Variants in PRELID2 observed in about 807,000 individuals in gnomAD.
PRELID2 encodes the protein PRELI domain containing 2.
A neutral mutation model predicts 28.4 loss-of-function variants in PRELID2; 25 were observed. The observed-to-expected ratio is 0.88, with a 90% CI of 0.64 to 1.23. The LOEUF (loss-of-function observed/expected upper bound fraction) is 1.23, where lower values mean the gene tolerates loss of function less well. Among genes scored for constraint, PRELID2 ranks in the 50% most tolerant of loss-of-function variants. The pLI, the probability that PRELID2 is intolerant of heterozygous loss-of-function variation, is 0.00. For missense variants in PRELID2, 201 were observed against 214.4 expected (o/e 0.94, Z 0.39); for synonymous variants, 76 against 71.6 (o/e 1.06, Z -0.31).
chr5:145,462,745 T>G, the PRELID2 span, among the ~76,000 whole-genome samples: 1 of 152,346 alleles, frequency 6.6e-6, no homozygotes, highest in East Asian at 1.9e-4. Flanking sequence ...GAGTTGGCTG[T>G]GCCCACTGTC....
the PRELID2 span, among the ~76,000 whole-genome samples, chr5:145,338,719 A>G: frequency 5.3e-5 from 8 of 152,266 alleles, no homozygotes; most frequent in African/African-American, 1.7e-4. Flanking sequence ...ATGCTATTTG[A>G]TTTTCAATCA....
chr5:145,411,833 G>A, the PRELID2 span, among the ~76,000 whole-genome samples: 1 of 152,198 alleles, frequency 6.6e-6, no homozygotes, highest in Non-Finnish European at 1.5e-5. Context: ...CTGAAATCTA[G>A]GTGGAGGTTC....
intron 1 of PRELID2, among the ~76,000 whole-genome samples, chr5:145,664,585 G>T (rs188186476): frequency 2.0e-5 from 3 of 151,970 alleles, no homozygotes; most frequent in African/African-American, 4.8e-5. Flanking sequence ...TAAAGCTCCC[G>T]CTTTTTTAAT....
chr5:145,752,234 G>C (rs182930630), downstream of PRELID2, among the ~76,000 whole-genome samples: 3 of 152,270 alleles, frequency 2.0e-5, no homozygotes, highest in Admixed American at 6.5e-5. Flanking sequence ...ATTTTTCCAA[G>C]AAGAAATGGT....
chr5:145,632,911 G>A (rs1180590888), intron 1 of PRELID2, among the ~76,000 whole-genome samples: 1 of 152,178 alleles, frequency 6.6e-6, no homozygotes, highest in Non-Finnish European at 1.5e-5. Context: ...GAATTAAAGT[G>A]AGACAGAAAT....
At chr5:145,521,892 G>A (rs1389614150) in intron 1 of PRELID2, among the ~76,000 whole-genome samples, 4 of 152,138 alleles carry the variant, frequency 2.6e-5, no homozygotes, top group African/African-American at 4.8e-5. Context: ...GTTCCAACTT[G>A]TATTTGACCA....
the PRELID2 span, among the ~76,000 whole-genome samples, chr5:145,286,989 C>G: frequency 6.6e-6 from 1 of 151,996 alleles, no homozygotes; most frequent in African/African-American, 2.4e-5. Flanking sequence ...GGATTACAGG[C>G]GTGAGCCACC....
intron 1 of PRELID2, among the ~76,000 whole-genome samples, chr5:145,476,782 G>A (rs1580951309): frequency 6.6e-6 from 1 of 152,026 alleles, no homozygotes; most frequent in East Asian, 1.9e-4. Flanking sequence ...TCCTTTTTAT[G>A]TGGTGTTGGG....
intron 1 of PRELID2, among the ~76,000 whole-genome samples, chr5:145,514,194 G>A (rs745623615): frequency 6.7e-4 from 102 of 151,990 alleles, no homozygotes; most frequent in Admixed American, 7.9e-4. Context: ...GAAAGACACA[G>A]ACTGGCAAAT....
chr5:145,444,793 C>G, the PRELID2 span, among the ~76,000 whole-genome samples: 1 of 151,950 alleles, frequency 6.6e-6, no homozygotes, highest in Non-Finnish European at 1.5e-5. Context: ...TATTAAGTGC[C>G]TATAATATGC....
At chr5:145,718,770 A>T (rs1226211533) in intron 1 of PRELID2, among the ~76,000 whole-genome samples, 1 of 151,960 alleles carries the variant, frequency 6.6e-6, no homozygotes, top group Non-Finnish European at 1.5e-5. Flanking sequence ...AAAAGATTTG[A>T]TTGTTTAAGA....
intron 2 of PRELID2, among the ~76,000 whole-genome samples, chr5:145,821,637 C>T (rs951395066): frequency 1.8e-4 from 27 of 152,148 alleles, no homozygotes; most frequent in African/African-American, 6.3e-4. Context: ...ATGCAAAAAC[C>T]CTGACTGCCC....
chr5:145,663,656 A>C (rs1402048254), intron 1 of PRELID2, among the ~76,000 whole-genome samples: 1 of 152,168 alleles, frequency 6.6e-6, no homozygotes, highest in African/African-American at 2.4e-5. Flanking sequence ...AATACGTGCC[A>C]CACCAGCATT....
At chr5:145,784,645 C>A (rs1751866316) in intron 5 of PRELID2, among the ~76,000 whole-genome samples, 1 of 151,940 alleles carries the variant, frequency 6.6e-6, no homozygotes, top group South Asian at 2.1e-4. Flanking sequence ...AAAATAGAAA[C>A]CAACAATAAC....
chr5:145,271,083 A>G, the PRELID2 span, among the ~76,000 whole-genome samples: 3 of 152,020 alleles, frequency 2.0e-5, no homozygotes, highest in Non-Finnish European at 4.4e-5. Context: ...GAACTCACTC[A>G]CTATCACAAG....
At chr5:145,424,054 CA>C in the PRELID2 span, among the ~76,000 whole-genome samples, 2 of 150,754 alleles carry the variant, frequency 1.3e-5, no homozygotes, top group African/African-American at 4.9e-5. Flanking sequence ...GCTCGGGGGT[CA>C]GGGGTCAGGG....
intron 1 of PRELID2, among the ~76,000 whole-genome samples, chr5:145,600,404 G>A (rs1406304576): frequency 2.2e-5 from 3 of 133,938 alleles, no homozygotes; most frequent in Non-Finnish European, 4.6e-5. Flanking sequence ...AAAGGCATGA[G>A]CTTCTCTCAG....
intron 1 of PRELID2, among the ~76,000 whole-genome samples, chr5:145,634,950 G>A (rs1268284290): frequency 6.6e-6 from 1 of 152,158 alleles, no homozygotes; most frequent in Non-Finnish European, 1.5e-5. Context: ...CTCTGTAGCA[G>A]CCAGTCACAG....
intron 1 of PRELID2, among the ~76,000 whole-genome samples, chr5:145,685,325 A>C (rs1187024793): frequency 2.0e-5 from 3 of 152,176 alleles, no homozygotes; most frequent in African/African-American, 7.2e-5. Flanking sequence ...AGGCATACTG[A>C]ACAACTTTCG....
Sources: allele counts gnomAD v4.1 joint callset (sites outside exome capture counted in the v4.1 genomes callset), GRCh38; gene constraint gnomAD v4.1.1; transcripts MANE v1.5; gene names NCBI Gene and HGNC (gene_info 2026-07-23, HGNC 2026-07-21).